The following BCL2L13 variants were observed in gnomAD, a reference collection of about 807,000 sequenced individuals.
The protein encoded by BCL2L13 is BCL2 like 13, also known as bcl-2-like protein 13.
Under a neutral mutation model 25.8 loss-of-function variants are expected in BCL2L13, and 13 were observed. That is an observed-to-expected ratio of 0.50 (90% CI 0.33 to 0.80). BCL2L13 has a LOEUF of 0.80. Among genes scored for constraint, BCL2L13 ranks in the 30% least tolerant of loss-of-function variants. The probability of loss-of-function intolerance (pLI) is 0.02; values close to 1 mark genes in which losing one functional copy is unlikely to be tolerated. For synonymous variants in BCL2L13, 244 were observed against 230.3 expected (o/e 1.06, Z -0.54); for missense variants, 504 against 574.9 (o/e 0.88, Z 1.26).
rs57060835 is a variant in BCL2L13, at chr22:17,695,341, G to A, written c.387-800G>A. On this transcript the variant is annotated intron_variant, in intron 4 of 6. Coordinates refer to ENST00000317582, the MANE Select transcript of BCL2L13 (RefSeq NM_015367.4). ...CATGGTAACGTTCAGCCTTCCCTGA[G>A]CCTTCGTTTCTTGTAAACTCCCAAC... Among the ~76,000 whole-genome samples the A allele has an allele frequency of 7.2e-4, 109 of 152,270 alleles. 3 individuals carry two copies. In the East Asian group the frequency reaches 0.02, roughly 28 times the overall value.
chr22:17,636,489 T>C (rs1329186136), upstream of BCL2L13, among the ~76,000 whole-genome samples: 1 of 151,776 alleles, frequency 6.6e-6, no homozygotes, highest in Non-Finnish European at 1.5e-5. Context: ...CGACACCTTG[T>C]CTCTAAAAAA....
Position 17,678,724 on chromosome 22 carries a change from C to T in BCL2L13, c.122-4490C>T, listed in dbSNP as rs1319828337. On this transcript the variant is annotated intron_variant, in intron 2 of 6. Transcript: ENST00000317582. ...TTGTCCTGCCCTTCCTGAACTTCCC[C>T]AGTCTATATAAATAGTTTCATGTGC... 2.0e-5 allele frequency among the ~76,000 whole-genome samples: 3 copies of T among 152,290 alleles called. No individual in the cohort carries two copies. The South Asian group carries it at 6.2e-4, about 32-fold the overall frequency.
At chr22:17,631,958 GAT>G (rs1568904458) in intron 1 of BCL2L13, among the ~76,000 whole-genome samples, 1 of 151,662 alleles carries the variant, frequency 6.6e-6, no homozygotes, top group South Asian at 2.1e-4. Flanking sequence ...CTGACCTCGT[GAT>G]CTGCCCGCCT....
intron 1 of BCL2L13, among the ~76,000 whole-genome samples, chr22:17,648,732 A>T (rs1392196584): frequency 6.6e-6 from 1 of 152,112 alleles, no homozygotes; most frequent in Non-Finnish European, 1.5e-5. Context: ...GTGGAAGATG[A>T]TGAAATTCAT....
intron 6 of BCL2L13, among the ~76,000 whole-genome samples, chr22:17,722,378 G>GCGTGCGTGTGTGTGT: frequency 8.2e-6 from 1 of 122,066 alleles, no homozygotes; most frequent in Non-Finnish European, 1.6e-5. Context: ...AGACTACAGG[G>GCGTGCGTGTGTGTGT]GTGTGTGTGT....
chr22:17,649,340 G>T (rs1426688130), intron 1 of BCL2L13, among the ~76,000 whole-genome samples: 4 of 151,768 alleles, frequency 2.6e-5, no homozygotes, highest in Non-Finnish European at 5.9e-5. Context: ...CAGGTGATCC[G>T]CCTGCCTCGG....
upstream of BCL2L13, among the ~76,000 whole-genome samples, chr22:17,635,715 C>CTT (rs1299003270): frequency 1.4e-5 from 2 of 144,434 alleles, no homozygotes. Context: ...CAAAAACAAT[C>CTT]TTTTTTTTTT....
chr22:17,642,267 T>C (rs983038806), intron 1 of BCL2L13, among the ~76,000 whole-genome samples: 6 of 151,270 alleles, frequency 4.0e-5, no homozygotes, highest in Non-Finnish European at 5.9e-5. Context: ...TAACTCAGTC[T>C]CAGTAACTGT....
chr22:17,678,413 T>G (rs1408330527), intron 2 of BCL2L13, among the ~76,000 whole-genome samples: 2 of 152,078 alleles, frequency 1.3e-5, no homozygotes, highest in Admixed American at 6.6e-5. Flanking sequence ...GTTAACTATT[T>G]AATCATGTCA....
At chr22:17,656,551 T>C (rs573401361) in intron 2 of BCL2L13, among the ~76,000 whole-genome samples, 1 of 151,682 alleles carries the variant, frequency 6.6e-6, no homozygotes, top group South Asian at 2.1e-4. Context: ...TTTTGCCGTG[T>C]TGGCCAGGCT....
chr22:17,683,393 AT>A, intron 3 of BCL2L13, 72 bp downstream of exon 3: 1 of 862,162 alleles, frequency 1.2e-6, no homozygotes, highest in Non-Finnish European at 1.8e-6. Context: ...GTTTAATTTG[AT>A]TTTTACAGTG....
At chr22:17,668,620 C>T (rs989995745) in intron 2 of BCL2L13, among the ~76,000 whole-genome samples, 17 of 151,996 alleles carry the variant, frequency 1.1e-4, no homozygotes, top group Non-Finnish European at 2.2e-4. Context: ...GCGTGCACCA[C>T]GATGCCTGGC....
intron 2 of BCL2L13, among the ~76,000 whole-genome samples, chr22:17,665,236 C>G (rs1368548362): frequency 6.6e-6 from 1 of 152,212 alleles, no homozygotes; most frequent in African/African-American, 2.4e-5. Flanking sequence ...CCACCAGTCT[C>G]TTTGCTAAAA....
intron 6 of BCL2L13, among the ~76,000 whole-genome samples, chr22:17,707,029 A>C (rs1292834520): frequency 6.6e-6 from 1 of 152,182 alleles, no homozygotes; most frequent in Admixed American, 6.5e-5. Context: ...TGTTTAATCT[A>C]GGATATTTAA....
Position 17,683,229 on chromosome 22 carries a change from T to G in BCL2L13, c.137T>G (p.Ile46Arg), listed in dbSNP as rs2587070. The change falls in exon 3 of 7, where the codon ATA (isoleucine) becomes AGA (arginine). Residue 46 changes from isoleucine to arginine, a missense_variant. Ile to Arg is a moderately conservative substitution (Grantham distance 97). Coordinates refer to ENST00000317582, the MANE Select transcript of BCL2L13 (RefSeq NM_015367.4). ...LSSPQGVQLDIASQSLDQEIL... is the reference protein window; with the variant it reads ...LSSPQGVQLDRASQSLDQEIL... The stretch of plus-strand genomic sequence containing the variant: ...TTGCTTTCAGGGGTTCAACTAGATA[T>G]AGCTTCACAATCTCTGGATCAAGAA... 272,007 of 1,561,890 alleles carry G rather than the reference T, an allele frequency of 0.17. 26,727 individuals are homozygous for G. The highest frequency in any genetic ancestry group is 0.2 in the Non-Finnish European group (226,187 of 1,138,872).
intron 1 of BCL2L13, among the ~76,000 whole-genome samples, chr22:17,642,961 T>C (rs1394644138): frequency 6.6e-6 from 1 of 152,160 alleles, no homozygotes; most frequent in Non-Finnish European, 1.5e-5. Flanking sequence ...TTTTCTCTGG[T>C]ATATATCTGG....
intron 2 of BCL2L13, among the ~76,000 whole-genome samples, chr22:17,664,995 C>G (rs145666832): frequency 6.6e-6 from 1 of 152,306 alleles, no homozygotes; most frequent in East Asian, 1.9e-4. Flanking sequence ...ATTGTTTTGG[C>G]AATTAGCATT....
At position 17,687,291 on chromosome 22, in the gene BCL2L13, G is replaced by A. The variant is rs146056691; in HGVS notation, c.230-1695G>A. ...GGGAATGGTTAAGTGTCTACAACAA[G>A]TTATGACTGCTTTTTCTGGATTCAA... On this transcript the variant is annotated intron_variant, in intron 3 of 6. Coordinates refer to ENST00000317582, the MANE Select transcript of BCL2L13 (RefSeq NM_015367.4). Among the ~76,000 whole-genome samples the A allele has an allele frequency of 2.5e-3, 373 of 152,172 alleles. 3 individuals carry two copies. Among genetic ancestry groups the A allele is most frequent in the African/African-American group, 8.6e-3 (358 of 41,510 alleles).
chr22:17,658,696 CAA>C lies in BCL2L13; in HGVS notation c.121+2881_121+2882del, dbSNP rs34033346. ...GGGCAACAGAGCAAGACTCTGTCAC[CAA>C]AAAAAAAAAAAAAAAATATTTTCTA... On this transcript the variant is annotated intron_variant, in intron 2 of 6. Transcript: ENST00000317582. Among the ~76,000 whole-genome samples, 126 of 104,904 alleles carry C rather than the reference CAA, an allele frequency of 1.2e-3. 1 individual carries two copies. The highest frequency in any genetic ancestry group is 3.6e-3 in the Admixed American group (33 of 9,280). The allele number at this position is 104,904 out of a possible 152,430, so 68.8% of individuals were successfully genotyped here.
Sources: allele counts gnomAD v4.1 joint callset (sites outside exome capture counted in the v4.1 genomes callset), GRCh38; gene constraint gnomAD v4.1.1; transcripts MANE v1.5; gene names NCBI Gene and HGNC (gene_info 2026-07-23, HGNC 2026-07-21).